The following FSAF1 variants were observed in gnomAD, a reference collection of about 807,000 sequenced individuals.
FSAF1 encodes uncharacterized protein C1orf131.
the FSAF1 span, among the ~76,000 whole-genome samples, chr1:231,233,600 T>A: frequency 2.5e-3 from 374 of 152,320 alleles, no homozygotes; most frequent in African/African-American, 8.6e-3. Context: ...TTGCCCAGGC[T>A]GGAGTGTAGT....
chr1:231,225,139 G>A, the FSAF1 span: 21 of 336,498 alleles, frequency 6.2e-5, no homozygotes, highest in South Asian at 4.1e-4. Context: ...ATCTTACGTG[G>A]TATGTCAAAG....
the FSAF1 span, chr1:231,224,240 C>A: frequency 1.3e-6 from 2 of 1,587,300 alleles, no homozygotes; most frequent in Non-Finnish European, 1.7e-6. Flanking sequence ...CTGCAGTTGA[C>A]TCAGTTGTTC....
the FSAF1 span, chr1:231,241,080 G>A: frequency 7.4e-6 from 12 of 1,614,120 alleles, no homozygotes; most frequent in Non-Finnish European, 1.0e-5. Context: ...ACTGGGAGGC[G>A]TGGAGGACCC....
the FSAF1 span, chr1:231,227,136 A>T: frequency 4.7e-6 from 7 of 1,481,422 alleles, no homozygotes; most frequent in Non-Finnish European, 6.6e-6. Flanking sequence ...ACATACTGCC[A>T]GAAGTAATGC....
the FSAF1 span, among the ~76,000 whole-genome samples, chr1:231,229,923 T>G: frequency 2.0e-5 from 3 of 152,090 alleles, no homozygotes; most frequent in African/African-American, 7.2e-5. Flanking sequence ...TGGATGGTAA[T>G]GAGGGTGGCA....
the FSAF1 span, chr1:231,239,151 T>C: frequency 5.0e-6 from 8 of 1,597,128 alleles, no homozygotes; most frequent in African/African-American, 9.5e-5. Context: ...CCCTTTTCTT[T>C]ATGATCTTCT....
At chr1:231,237,449 A>C in the FSAF1 span, 1 of 152,234 alleles carries the variant, frequency 6.6e-6, no homozygotes, top group African/African-American at 2.4e-5. Context: ...ACATCTCAAA[A>C]GGAGATCATC....
At chr1:231,238,804 T>C in the FSAF1 span, 11 of 1,489,558 alleles carry the variant, frequency 7.4e-6, 1 homozygote, top group East Asian at 1.8e-4. Context: ...ATTCACCTAA[T>C]ACTACAATAC....
the FSAF1 span, chr1:231,229,318 C>A: frequency 1.6e-6 from 1 of 643,594 alleles, no homozygotes. Flanking sequence ...CTTTCACACC[C>A]ACTAGACTGG....
chr1:231,233,622 G>A, the FSAF1 span, among the ~76,000 whole-genome samples: 2 of 151,926 alleles, frequency 1.3e-5, no homozygotes, highest in Non-Finnish European at 2.9e-5. Flanking sequence ...GCACAATCTC[G>A]ACTCACTGCA....
chr1:231,239,823 C>T, the FSAF1 span, among the ~76,000 whole-genome samples: 1 of 152,188 alleles, frequency 6.6e-6, no homozygotes, highest in African/African-American at 2.4e-5. Flanking sequence ...ATACAATAAA[C>T]ATTTAAGAGC....
chr1:231,229,257 A>G, the FSAF1 span: 1 of 1,278,150 alleles, frequency 7.8e-7, no homozygotes, highest in South Asian at 1.4e-5. Flanking sequence ...ATATCATTAT[A>G]GTATCTATCA....
the FSAF1 span, chr1:231,238,824 C>T: frequency 3.2e-6 from 5 of 1,560,900 alleles, no homozygotes; most frequent in Non-Finnish European, 4.4e-6. Flanking sequence ...CCAGGGGGTT[C>T]ACCACGTATA....
At chr1:231,227,689 T>C in the FSAF1 span, among the ~76,000 whole-genome samples, 1 of 142,208 alleles carries the variant, frequency 7.0e-6, no homozygotes, top group Non-Finnish European at 1.5e-5. Context: ...CCTGGGTTCA[T>C]GCCATTCGCC....
At chr1:231,237,893 A>C in the FSAF1 span, 2 of 152,262 alleles carry the variant, frequency 1.3e-5, no homozygotes, top group Non-Finnish European at 2.9e-5. Context: ...TAAATTAAAA[A>C]CATTTGGGGC....
At chr1:231,236,646 T>C in the FSAF1 span, 15 of 152,068 alleles carry the variant, frequency 9.9e-5, no homozygotes, top group Non-Finnish European at 1.9e-4. Flanking sequence ...AAAAAGAACA[T>C]GAGGGAATAT....
chr1:231,224,613 T>C, the FSAF1 span: 7 of 523,570 alleles, frequency 1.3e-5, no homozygotes, highest in Admixed American at 3.7e-5. Context: ...ACTGGTTTCT[T>C]CTGCAAGGAA....
chr1:231,228,525 G>A, the FSAF1 span, among the ~76,000 whole-genome samples: 1 of 151,120 alleles, frequency 6.6e-6, no homozygotes, highest in East Asian at 1.9e-4. Context: ...CTTGAACTCA[G>A]GAGCTGGAGG....
At chr1:231,225,692 GAA>G in the FSAF1 span, 1 of 659,224 alleles carries the variant, frequency 1.5e-6, no homozygotes, top group Non-Finnish European at 2.6e-6. Flanking sequence ...ACCCTTTCAA[GAA>G]TGTGAAAGGC....
Sources: allele counts gnomAD v4.1 joint callset (sites outside exome capture counted in the v4.1 genomes callset), GRCh38; gene constraint gnomAD v4.1.1; transcripts MANE v1.5; gene names NCBI Gene and HGNC (gene_info 2026-07-23, HGNC 2026-07-21).